MAF: variants seen among roughly 807,000 people sequenced by gnomAD.
MAF encodes the protein transcription factor Maf.
In MAF, 10 loss-of-function variants were observed where a neutral mutation model predicts 22.0. That is an observed-to-expected ratio of 0.45 (90% confidence interval 0.28 to 0.77). MAF has a LOEUF of 0.77. Among genes scored for constraint, MAF ranks in the 30% least tolerant of loss-of-function variants. MAF has a pLI of 0.12. For synonymous variants in MAF, 337 were observed against 255.8 expected, an observed-to-expected ratio of 1.32 and a Z score of -3.03; for missense variants, 544 against 548.4, an observed-to-expected ratio of 0.99 and a Z score of 0.08.
At chr16:79,573,586 C>G in the MAF span, among the ~76,000 whole-genome samples, 2 of 152,142 alleles carry the variant, frequency 1.3e-5, no homozygotes, top group Admixed American at 1.3e-4. Context: ...TTATTTGTTT[C>G]TATATCCTCA....
At chr16:79,414,412 G>A in the MAF span, among the ~76,000 whole-genome samples, 1 of 152,232 alleles carries the variant, frequency 6.6e-6, no homozygotes, top group South Asian at 2.1e-4. Context: ...ATGCCAGGTT[G>A]TTTTAAAAAT....
chr16:79,596,569 G>C (rs563042926), intron 1 of MAF: 1 of 1,047,464 alleles, frequency 9.5e-7, no homozygotes, highest in African/African-American at 1.7e-5. Flanking sequence ...GGAACAACAC[G>C]CGTGGTTAGT....
At chr16:79,499,048 A>C in the MAF span, among the ~76,000 whole-genome samples, 1 of 152,212 alleles carries the variant, frequency 6.6e-6, no homozygotes, top group Non-Finnish European at 1.5e-5. Flanking sequence ...ACAAGGTAGC[A>C]CAGACATTTC....
intron 1 of MAF, chr16:79,596,733 T>C: frequency 1.9e-6 from 2 of 1,044,400 alleles, no homozygotes; most frequent in Non-Finnish European, 2.3e-6. Context: ...TACTGATTAT[T>C]GCCTTTAAAA....
the MAF span, chr16:79,516,432 T>A: frequency 6.6e-6 from 1 of 152,184 alleles, no homozygotes; most frequent in South Asian, 2.1e-4. Context: ...AAAATTTCCT[T>A]AGAACAAGGC....
the MAF span, among the ~76,000 whole-genome samples, chr16:79,287,689 C>A: frequency 6.6e-6 from 1 of 152,146 alleles, no homozygotes; most frequent in Non-Finnish European, 1.5e-5. Context: ...ATTCATTCAT[C>A]CACTCATTCT....
the MAF span, among the ~76,000 whole-genome samples, chr16:79,415,735 G>T: frequency 6.6e-6 from 1 of 151,844 alleles, no homozygotes; most frequent in African/African-American, 2.4e-5. Flanking sequence ...GAGTCAGTTA[G>T]ACCTGGGTTT....
chr16:79,442,203 T>C, the MAF span, among the ~76,000 whole-genome samples: 2 of 152,158 alleles, frequency 1.3e-5, no homozygotes, highest in Non-Finnish European at 2.9e-5. Context: ...AATAGGAATC[T>C]AATATAGGGG....
At chr16:79,589,541 G>T (rs951900508), downstream of MAF, among the ~76,000 whole-genome samples, 1 of 152,132 alleles carries the variant, frequency 6.6e-6, no homozygotes, top group Admixed American at 6.5e-5. Context: ...ACTAATAGAA[G>T]AAAAATCAAA....
At chr16:79,488,617 T>A in the MAF span, among the ~76,000 whole-genome samples, 4 of 152,168 alleles carry the variant, frequency 2.6e-5, no homozygotes, top group Non-Finnish European at 4.4e-5. Context: ...TATTTTATTA[T>A]TAATATTATT....
the MAF span, among the ~76,000 whole-genome samples, chr16:79,313,855 C>A: frequency 6.6e-6 from 1 of 152,156 alleles, no homozygotes; most frequent in Non-Finnish European, 1.5e-5. Flanking sequence ...TCAGAACTCC[C>A]TCCTCTAGCT....
At chr16:79,328,874 G>T in the MAF span, among the ~76,000 whole-genome samples, 2 of 152,194 alleles carry the variant, frequency 1.3e-5, no homozygotes, top group Admixed American at 1.3e-4. Context: ...CTGCCAAGGC[G>T]TTTAACTCTC....
the MAF span, among the ~76,000 whole-genome samples, chr16:79,264,224 C>A: frequency 1.3e-5 from 2 of 152,008 alleles, no homozygotes; most frequent in Non-Finnish European, 2.9e-5. Context: ...CCAGAGGGGG[C>A]AAAAATAGAG....
At chr16:79,492,723 T>C in the MAF span, among the ~76,000 whole-genome samples, 2 of 152,054 alleles carry the variant, frequency 1.3e-5, no homozygotes, top group African/African-American at 2.4e-5. Flanking sequence ...ATATGCAACA[T>C]GCAGCGAATC....
chr16:79,442,077 C>T, the MAF span, among the ~76,000 whole-genome samples: 1 of 152,208 alleles, frequency 6.6e-6, no homozygotes, highest in Non-Finnish European at 1.5e-5. Flanking sequence ...CCCTCAGACC[C>T]TTCAGAGGGA....
the MAF span, among the ~76,000 whole-genome samples, chr16:79,324,571 A>G: frequency 6.6e-6 from 1 of 152,172 alleles, no homozygotes; most frequent in Non-Finnish European, 1.5e-5. Flanking sequence ...TGTTATACAA[A>G]TAAGAATCGG....
the MAF span, among the ~76,000 whole-genome samples, chr16:79,533,638 A>C: frequency 6.6e-6 from 1 of 152,106 alleles, no homozygotes; most frequent in Non-Finnish European, 1.5e-5. Flanking sequence ...GGAGGTAGGA[A>C]TTCCAGAAAC....
the MAF span, among the ~76,000 whole-genome samples, chr16:79,484,389 G>C: frequency 6.6e-6 from 1 of 152,218 alleles, no homozygotes; most frequent in Non-Finnish European, 1.5e-5. Context: ...GGTGGCCGAA[G>C]AAGGAGCAGA....
the MAF span, among the ~76,000 whole-genome samples, chr16:79,571,529 A>ATT: frequency 8.3e-5 from 7 of 84,556 alleles, no homozygotes; most frequent in South Asian, 1.8e-3. Flanking sequence ...ATCTCAGCGG[A>ATT]ATTTTTTTTT....
Sources: gnomAD v4.1 joint callset for allele counts (sites outside exome capture counted in the v4.1 genomes callset) on GRCh38, gnomAD v4.1.1 for gene constraint, MANE v1.5 for transcripts, NCBI Gene and HGNC (gene_info 2026-07-23, HGNC 2026-07-21) for gene names.